Variants in SV2A observed in about 807,000 individuals in gnomAD.
SV2A encodes synaptic vesicle glycoprotein 2A, also known as solute carrier family 22 member B1.
Under a neutral mutation model 78.0 loss-of-function variants are expected in SV2A, and 25 were observed. That is an observed-to-expected ratio of 0.32 (90% CI 0.23 to 0.45). The LOEUF is 0.45. SV2A is among the 20% of genes least tolerant of loss of function. The pLI is 1.00. For missense variants in SV2A, 752 were observed against 971.5 expected, an observed-to-expected ratio of 0.77 and a Z score of 3.00; for synonymous variants, 355 against 384.7, an observed-to-expected ratio of 0.92 and a Z score of 0.90.
chr1:149,905,957 G>A lies in SV2A; in HGVS notation c.1968C>T (p.Cys656=). 6.2e-7 allele frequency: 1 copy of A among 1,614,182 alleles called. No homozygotes were observed. The highest frequency in any genetic ancestry group is 8.5e-7 in the Non-Finnish European group (1 of 1,180,050). Residue 656 remains cysteine, a synonymous_variant, in exon 12 of 13, where the codon TGC becomes TGT. Coordinates refer to ENST00000369146, the MANE Select transcript of SV2A (RefSeq NM_014849.5). The stretch of plus-strand genomic sequence containing the variant: ...ATGCAATGCTGACCCCGCCAAAAAG[G>A]CAGAGCAGAGCGATCATGGCCGACT... ...NSESAMIALL[C]LFGGVSIASW...
chr1:149,906,960 G>A, intron 10 of SV2A, 104 bp from the exon 11 acceptor site: 1 of 1,527,298 alleles, frequency 6.5e-7, no homozygotes, highest in South Asian at 1.2e-5. Context: ...TTAGTAGGAG[G>A]GGCTCTCAAA....
In SV2A at chr1:149,905,122, G is replaced by A. The variant is rs143564542; in HGVS notation, c.2121C>T (p.Phe707=). 2.1e-4 allele frequency: 339 copies of A among 1,612,568 alleles called. No homozygotes were observed. The East Asian group carries it at 3.4e-3, about 16-fold the overall frequency. ...AVLGISIFTS[F]VGITKAAPIL... ...TGGGTGCAGCCTTGGTGATTCCCACGAAGGATGTGAAGATGCTGATCCCCA... is the reference window on the plus strand; with the variant it reads ...TGGGTGCAGCCTTGGTGATTCCCACAAAGGATGTGAAGATGCTGATCCCCA... Residue 707 remains phenylalanine (F), a synonymous_variant, in exon 13 of 13, where the codon TTC becomes TTT. Coordinates refer to ENST00000369146, the MANE Select transcript of SV2A (RefSeq NM_014849.5).
At chr1:149,909,734 G>A in intron 6 of SV2A, 67 bp downstream of exon 6, 1 of 1,567,098 alleles carries the variant, frequency 6.4e-7, no homozygotes, top group Non-Finnish European at 8.8e-7. Context: ...GGGGTACTCA[G>A]AGAGGGGCCA....
chr1:149,906,376 T>TGCCAGAG (rs1398811474), intron 11 of SV2A, among the ~76,000 whole-genome samples: 4 of 152,166 alleles, frequency 2.6e-5, no homozygotes, highest in Admixed American at 6.5e-5. Context: ...AGAGGTAATT[T>TGCCAGAG]GCCAGAGGCC....
chr1:149,908,958 T>C (rs1553763230), intron 8 of SV2A, among the ~76,000 whole-genome samples: 1 of 152,180 alleles, frequency 6.6e-6, no homozygotes, highest in East Asian at 1.9e-4. Flanking sequence ...CAGGAGGACC[T>C]TGGACCACAT....
At chr1:149,907,948 G>A in intron 9 of SV2A, 94 bp downstream of exon 9, 2 of 1,569,672 alleles carry the variant, frequency 1.3e-6, no homozygotes, top group South Asian at 1.2e-5. Context: ...ACAAGTGTTT[G>A]CCCCCCAAAT....
Position 149,913,733 on chromosome 1 carries a change from T to A in SV2A, c.108A>T (p.Arg36Ser), listed in dbSNP as rs144119876. The A allele has an allele frequency of 1.1e-5, 18 of 1,614,002 alleles. No individual in the cohort carries two copies. The Admixed American group carries it at 3.0e-4, about 27-fold the overall frequency. The change falls in exon 2 of 13, where the codon AGA becomes AGT. Residue 36 changes from arginine (R) to serine (S), a missense_variant. Physicochemically the swap from Arg to Ser is moderately radical, Grantham distance 110. Around this residue, in one of 7 missense-constraint regions of SV2A, gnomAD observed 291 missense variants for 359.5 expected, o/e 0.81. Transcript: ENST00000369146. ...AAKKVVKGLD[R>S]VQDEYSRRSY... ...ATCTTCGGGAATATTCGTCCTGGACTCTGTCCAGGCCCTTCACCACCTTCT... is the reference window on the plus strand; with the variant it reads ...ATCTTCGGGAATATTCGTCCTGGACACTGTCCAGGCCCTTCACCACCTTCT...
chr1:149,905,466 T>G, intron 12 of SV2A: 1 of 365,514 alleles, frequency 2.7e-6, no homozygotes, highest in South Asian at 5.9e-5. Context: ...CTTTTTTTTT[T>G]TTTTTGAGAC....
rs1553763399 is a variant in SV2A at position 149,909,598 on chromosome 1, TCA to T, written c.1180-29_1180-28del. 6 of 1,597,050 alleles carry T rather than the reference TCA, an allele frequency of 3.8e-6. No individual in the cohort carries two copies. The South Asian group carries it at 6.6e-5, about 18-fold the overall frequency. ...TGGGGTCAAGAGAAGGGGTGGGCAG[TCA>T]CACACTCTGTGTTTCCCAACATCGG... On this transcript the variant is annotated intron_variant, in intron 6 of 12. Transcript: ENST00000369146.
In SV2A at chr1:149,910,014, C is replaced by A; in HGVS notation, c.1090-124G>T. On this transcript the variant is annotated intron_variant, in intron 5 of 12. Transcript: ENST00000369146. This position sits in a 1 kb window ranked among gnomAD's most constrained non-coding sequence, Gnocchi z 4.2. ...ACTAAATGGTTCCCAGCCCTCAACC[C>A]CACCACCAAGCCCTGACCTATGGGC... 1 of 851,458 alleles carries A rather than the reference C, an allele frequency of 1.2e-6. No homozygotes were observed. The highest frequency in any genetic ancestry group is 1.9e-6 in the Non-Finnish European group (1 of 525,666). 52.7% of individuals were successfully genotyped at this position (851,458 alleles called of 1,614,324 possible). A position where few individuals can be genotyped will look rare whatever the true frequency, so the allele number is the denominator to read the frequency against.
chr1:149,907,940 A>T, intron 9 of SV2A, 102 bp downstream of exon 9: 1 of 1,570,230 alleles, frequency 6.4e-7, no homozygotes, highest in South Asian at 1.2e-5. Context: ...AAGAAACCAC[A>T]AGTGTTTGCC....
At chr1:149,907,935 A>T in intron 9 of SV2A, 102 bp from the exon 10 acceptor site, 1 of 1,570,354 alleles carries the variant, frequency 6.4e-7, no homozygotes, top group African/African-American at 1.4e-5. Flanking sequence ...TTGAGAAGAA[A>T]CCACAAGTGT....
chr1:149,907,803 GGACACT>G lies in SV2A; in HGVS notation c.1569_1574del (p.Val524_Ser525del). On this transcript the variant is annotated inframe_deletion, in exon 10 of 13. Transcript: ENST00000369146. ...ACTCTTCAAACAGGGAATCCTCAAA[GGACACT>G]GACTTGAGCCGCAGCCCAATGAACC... 1 of 1,614,114 alleles carries G rather than the reference GGACACT, an allele frequency of 6.2e-7. No homozygotes were observed. The highest frequency in any genetic ancestry group is 1.7e-5 in the Admixed American group (1 of 60,010).
In SV2A at chr1:149,910,504, C is replaced by A; in HGVS notation, c.1089+66G>T. ...TCCAGTTGGTGTTTGAACACAGAAGCCCCTGCTGCCGTCCACACTCCACAG... is the reference window on the plus strand; with the variant it reads ...TCCAGTTGGTGTTTGAACACAGAAGACCCTGCTGCCGTCCACACTCCACAG... On this transcript the variant is annotated intron_variant, in intron 5 of 12. Transcript: ENST00000369146. This position sits in a 1 kb window ranked among gnomAD's most constrained non-coding sequence, Gnocchi z 4.2. 2 of 1,482,116 alleles carry A rather than the reference C, an allele frequency of 1.3e-6. No individual in the cohort carries two copies. The highest frequency in any genetic ancestry group is 2.8e-5 in the South Asian group (2 of 71,762). The allele number at this position is 1,482,116 out of a possible 1,614,324, so 91.8% of individuals were successfully genotyped here.
At chr1:149,915,890 AACACACAC>A (rs60828738) in intron 1 of SV2A, among the ~76,000 whole-genome samples, 2 of 149,582 alleles carry the variant, frequency 1.3e-5, no homozygotes, top group African/African-American at 2.5e-5. Flanking sequence ...CCTTCATTAA[AACACACAC>A]ACACACACAC....
chr1:149,904,787 A>G lies in SV2A; in HGVS notation c.*227T>C, dbSNP rs2092424625. 2 of 497,210 alleles carry G rather than the reference A, an allele frequency of 4.0e-6. No homozygotes were observed. The highest frequency in any genetic ancestry group is 3.6e-6 in the Non-Finnish European group (1 of 280,032). 30.8% of individuals were successfully genotyped at this position (497,210 alleles called of 1,614,324 possible). On this transcript the variant is annotated 3_prime_UTR_variant, in exon 13 of 13. Transcript: ENST00000369146. ...TGTGCAAAGTCAAGGGCAGTGGGAAATGGGGAGTACAGCTTCATCTCAAAA... is the reference window on the plus strand; with the variant it reads ...TGTGCAAAGTCAAGGGCAGTGGGAAGTGGGGAGTACAGCTTCATCTCAAAA...
Position 149,906,798 on chromosome 1 carries a change from G to C in SV2A, c.1737C>G (p.Asn579Lys). 1.9e-6 allele frequency: 3 copies of C among 1,614,190 alleles called. No homozygotes were observed. The highest frequency in any genetic ancestry group is 1.1e-5 in the South Asian group (1 of 91,088). The change falls in exon 11 of 13, where the codon AAC (asparagine) becomes AAG (lysine). Residue 579 changes from asparagine to lysine, a missense_variant. By Grantham distance (94) the Asn-to-Lys change is moderately conservative (BLOSUM62 0). Coordinates refer to ENST00000369146, the MANE Select transcript of SV2A (RefSeq NM_014849.5). ...SRLINSTFLH[N>K]KEGCPLDVTG... Reference sequence around the variant, plus strand: ...TCACGTCTAGCGGGCAGCCCTCCTTGTTGTGCAGGAATGTACTGTTTATCA... The same window carrying C: ...TCACGTCTAGCGGGCAGCCCTCCTTCTTGTGCAGGAATGTACTGTTTATCA...
In SV2A at chr1:149,914,029, A is replaced by T. The variant is rs944107859; in HGVS notation, c.-189T>A. ...CAATGAGTGCCTAGGAAGGAAAAGG[A>T]AGGAGAGGAGCTTTGACCTATACCC... is the stretch of plus-strand genomic sequence containing the variant. On this transcript the variant is annotated 5_prime_UTR_variant, in exon 2 of 13. Transcript: ENST00000369146. 5.9e-6 allele frequency: 5 copies of T among 851,282 alleles called. No individual in the cohort carries two copies. Among genetic ancestry groups the T allele is most frequent in the Admixed American group, 3.0e-5 (1 of 33,524 alleles). The allele number at this position is 851,282 out of a possible 1,614,324, so 52.7% of individuals were successfully genotyped here.
chr1:149,910,470 A>T lies in SV2A; in HGVS notation c.1089+100T>A. 1 of 1,430,908 alleles carries T rather than the reference A, an allele frequency of 7.0e-7. No homozygotes were observed. Among genetic ancestry groups the T allele is most frequent in the Non-Finnish European group, 9.2e-7 (1 of 1,087,092 alleles). The allele number at this position is 1,430,908 out of a possible 1,614,324, so 88.6% of individuals were successfully genotyped here. A position where few individuals can be genotyped will look rare whatever the true frequency, so the allele number is the denominator to read the frequency against. ...GGAAGGCAGGCAGTCAAACAGGATC[A>T]AATCAAACTCCAGTTGGTGTTTGAA... On this transcript the variant is annotated intron_variant, in intron 5 of 12. Coordinates refer to ENST00000369146, the MANE Select transcript of SV2A (RefSeq NM_014849.5). The surrounding 1 kb of genome is among the most constrained non-coding windows in gnomAD (Gnocchi z 4.2).
Sources: gnomAD v4.1 joint callset for allele counts (sites outside exome capture counted in the v4.1 genomes callset) on GRCh38, gnomAD v4.1.1 for gene constraint, gnomAD v4.1.1 regional missense constraint, Gnocchi (gnomAD v3.1) non-coding constraint, MANE v1.5 for transcripts, NCBI Gene and HGNC (gene_info 2026-07-23, HGNC 2026-07-21) for gene names.